Variants in BRI3BP observed in about 807,000 individuals in gnomAD.
BRI3BP encodes BRI3-binding protein.
Under a neutral mutation model 15.8 loss-of-function variants are expected in BRI3BP, and 7 were observed. The ratio of observed to expected loss-of-function variants is 0.44; its 90% CI spans 0.25 to 0.83. The LOEUF (loss-of-function observed/expected upper bound fraction) is 0.83. BRI3BP is among the 40% of genes least tolerant of loss of function. The probability of loss-of-function intolerance (pLI) is 0.20; values close to 1 mark genes in which losing one functional copy is unlikely to be tolerated. For synonymous variants in BRI3BP, 192 were observed against 163.5 expected (o/e 1.17, Z -1.33); for missense variants, 320 against 339.3 (o/e 0.94, Z 0.45).
chr12:125,018,519 T>C (rs1029516932), intron 2 of BRI3BP, among the ~76,000 whole-genome samples: 4 of 151,982 alleles, frequency 2.6e-5, no homozygotes, highest in Non-Finnish European at 2.9e-5. Flanking sequence ...GGAGTGTGTC[T>C]GGCAGTCACG....
At chr12:125,009,900 G>A (rs980833676) in intron 1 of BRI3BP, among the ~76,000 whole-genome samples, 1 of 152,088 alleles carries the variant, frequency 6.6e-6, no homozygotes, top group Non-Finnish European at 1.5e-5. Flanking sequence ...TCAGCAGTTC[G>A]AGACCAGCCT....
intron 2 of BRI3BP, among the ~76,000 whole-genome samples, chr12:125,020,962 TATATC>T (rs1231389784): frequency 3.3e-5 from 5 of 152,124 alleles, no homozygotes; most frequent in South Asian, 2.1e-4. Context: ...CTATGGAAAA[TATATC>T]AGTTAGGTAG....
chr12:125,008,726 C>CT, intron 1 of BRI3BP, among the ~76,000 whole-genome samples: 1 of 152,156 alleles, frequency 6.6e-6, no homozygotes, highest in South Asian at 2.1e-4. Context: ...ATGATTCAGG[C>CT]GCATTACGTT....
At chr12:125,049,764 C>T in the BRI3BP span, among the ~76,000 whole-genome samples, 2 of 152,222 alleles carry the variant, frequency 1.3e-5, no homozygotes, top group Non-Finnish European at 2.9e-5. Flanking sequence ...GAGGCCTGGG[C>T]CGATGTGGCC....
intron 2 of BRI3BP, among the ~76,000 whole-genome samples, chr12:125,014,508 C>T (rs7977531): frequency 0.14 from 21,095 of 152,170 alleles, 1,556 homozygotes; most frequent in Admixed American, 0.16. Context: ...CAGGCCAGGC[C>T]CAAGCTTCAG....
In BRI3BP at chr12:125,029,829, G is replaced by A. The variant is rs1298904579; in HGVS notation, c.*4399G>A. ...AGGAGTCGGGAGGCAGCGATGTCAGGGAACTGGGACTATGTCTTTATGACT... is the reference window on the plus strand; with the variant it reads ...AGGAGTCGGGAGGCAGCGATGTCAGAGAACTGGGACTATGTCTTTATGACT... On this transcript the variant is annotated 3_prime_UTR_variant, in exon 3 of 3. Transcript: ENST00000341446. The A allele has an allele frequency of 6.6e-6, 1 of 152,380 alleles. No individual in the cohort carries two copies. Among genetic ancestry groups the A allele is most frequent in the East Asian group, 1.9e-4 (1 of 5,188 alleles). 9.4% of individuals were successfully genotyped at this position (152,380 alleles called of 1,614,324 possible). A position where few individuals can be genotyped will look rare whatever the true frequency, so the allele number is the denominator to read the frequency against.
chr12:125,031,824 A>T (rs928327375), downstream of BRI3BP, among the ~76,000 whole-genome samples: 2 of 152,110 alleles, frequency 1.3e-5, no homozygotes, highest in African/African-American at 2.4e-5. Flanking sequence ...CATCATGCCC[A>T]GCCTTAAAAA....
intron 2 of BRI3BP, among the ~76,000 whole-genome samples, chr12:125,024,546 TC>T (rs1310437590): frequency 8.5e-5 from 13 of 152,118 alleles, no homozygotes. Context: ...ATGCCTGTAA[TC>T]CCAGCACTTT....
the BRI3BP span, among the ~76,000 whole-genome samples, chr12:125,044,059 A>C: frequency 6.6e-6 from 1 of 151,404 alleles, no homozygotes; most frequent in Non-Finnish European, 1.5e-5. Flanking sequence ...TTATTTTCTC[A>C]CAACAGGCAA....
At chr12:125,044,220 T>G in the BRI3BP span, among the ~76,000 whole-genome samples, 74 of 152,174 alleles carry the variant, frequency 4.9e-4, no homozygotes, top group African/African-American at 1.7e-3. Context: ...TGGCGCGATC[T>G]TGGCTCACTG....
the BRI3BP span, among the ~76,000 whole-genome samples, chr12:125,049,462 C>G: frequency 6.6e-6 from 1 of 151,874 alleles, no homozygotes; most frequent in Non-Finnish European, 1.5e-5. Context: ...TCAGGCACAA[C>G]CCTCCTTTGG....
Position 125,025,608 on chromosome 12 carries a change from G to A in BRI3BP, c.*178G>A. 2 of 629,644 alleles carry A rather than the reference G, an allele frequency of 3.2e-6. No homozygotes were observed. Among genetic ancestry groups the A allele is most frequent in the South Asian group, 2.5e-5 (1 of 40,584 alleles). 39.0% of individuals were successfully genotyped at this position (629,644 alleles called of 1,614,324 possible). The stretch of plus-strand genomic sequence containing the variant: ...TCTTAGGACACATTCCCAGAAGAGC[G>A]GAAAGATCATTGACGTGGAACTACA... On this transcript the variant is annotated 3_prime_UTR_variant, in exon 3 of 3. Transcript: ENST00000341446.
At chr12:125,012,425 GCTCA>G (rs1955204347) in intron 1 of BRI3BP, 105 bp from the exon 2 acceptor site, 2 of 843,078 alleles carry the variant, frequency 2.4e-6, no homozygotes, top group Non-Finnish European at 4.0e-6. Context: ...TTCATCATGG[GCTCA>G]CTATTTTTCC....
At chr12:124,994,637 G>A (rs774682627) in intron 1 of BRI3BP, among the ~76,000 whole-genome samples, 2 of 152,180 alleles carry the variant, frequency 1.3e-5, no homozygotes, top group Non-Finnish European at 2.9e-5. Flanking sequence ...CCTGGGAAGG[G>A]TGTTGAGTCC....
intron 1 of BRI3BP, among the ~76,000 whole-genome samples, chr12:125,006,546 G>C (rs568966090): frequency 6.6e-6 from 1 of 152,334 alleles, no homozygotes; most frequent in South Asian, 2.1e-4. Flanking sequence ...CTGTCAGCTT[G>C]TGTTACATGG....
At chr12:125,039,361 CAGGGGATCCTTTGCT>C in the BRI3BP span, among the ~76,000 whole-genome samples, 1 of 152,110 alleles carries the variant, frequency 6.6e-6, no homozygotes, top group South Asian at 2.1e-4. Flanking sequence ...AAACCAATCT[CAGGGGATCCTTTGCT>C]AGGATTCATC....
At chr12:125,024,884 C>T in intron 2 of BRI3BP, 107 bp from the exon 3 acceptor site, 5 of 973,556 alleles carry the variant, frequency 5.1e-6, no homozygotes, top group Non-Finnish European at 7.5e-6. Context: ...TTGGTTGTTG[C>T]AAAGGCCTTT....
intron 2 of BRI3BP, among the ~76,000 whole-genome samples, chr12:125,014,993 T>C (rs939033584): frequency 2.0e-5 from 3 of 152,198 alleles, no homozygotes; most frequent in Non-Finnish European, 4.4e-5. Flanking sequence ...TCTCAAACTC[T>C]TGGGCTCAAA....
At chr12:125,018,532 G>A (rs1334777546) in intron 2 of BRI3BP, among the ~76,000 whole-genome samples, 2 of 152,050 alleles carry the variant, frequency 1.3e-5, no homozygotes, top group African/African-American at 4.8e-5. Flanking sequence ...CAGTCACGGA[G>A]TGCCAAGGAT....
Sources: allele counts gnomAD v4.1 joint callset (sites outside exome capture counted in the v4.1 genomes callset), GRCh38; gene constraint gnomAD v4.1.1; transcripts MANE v1.5; gene names NCBI Gene and HGNC (gene_info 2026-07-23, HGNC 2026-07-21).